Variants in NUDT10 observed in about 807,000 individuals in gnomAD.
NUDT10 encodes nudix hydrolase 10, also known as diphosphoinositol polyphosphate phosphohydrolase 3-alpha.
A neutral mutation model predicts 10.5 loss-of-function variants in NUDT10; 2 were observed. The ratio of observed to expected loss-of-function variants is 0.19; its 90% CI spans 0.08 to 0.60. NUDT10 has a LOEUF of 0.60. NUDT10 is among the 20% of genes least tolerant of loss of function. NUDT10 has a pLI of 0.89. For missense variants in NUDT10, 75 were observed against 149.5 expected, an observed-to-expected ratio of 0.50 and a Z score of 2.60; for synonymous variants, 53 against 71.8, an observed-to-expected ratio of 0.74 and a Z score of 1.32.
chrX:51,332,712 G>A (rs1408653131), upstream of NUDT10: 7 of 389,493 alleles, frequency 1.8e-5, no homozygotes, highest in Non-Finnish European at 3.0e-5. Context: ...GGGTTCGGCC[G>A]GCCGCCCATC....
At chrX:51,333,749 C>CGGGGGGGGGGGGGGGGGGG (rs1252405750) in intron 1 of NUDT10, among the ~76,000 whole-genome samples, 1 of 12,484 alleles carries the variant, frequency 8.0e-5, no homozygotes. Flanking sequence ...TGCTTTTGGG[C>CGGGGGGGGGGGGGGGGGGG]GGGGGGGGGG....
chrX:51,333,567 G>A, intron 1 of NUDT10, 108 bp downstream of exon 1: 1 of 1,051,793 alleles, frequency 9.5e-7, no homozygotes, highest in South Asian at 2.3e-5. Context: ...GCAGGAGGGA[G>A]GCTTTTGTTT....
intron 1 of NUDT10, 58 bp downstream of exon 1, chrX:51,333,517 C>T: frequency 1.7e-6 from 2 of 1,179,804 alleles, no homozygotes; most frequent in South Asian, 3.9e-5. Context: ...TAAAATGCAT[C>T]CCGCCTGGAG....
chrX:51,335,563 G>A (rs892045872), intron 1 of NUDT10, among the ~76,000 whole-genome samples: 4 of 111,832 alleles, frequency 3.6e-5, no homozygotes, highest in Admixed American at 9.5e-5. Flanking sequence ...TTTAAGTCCT[G>A]TAGAAAATTG....
rs1322112975 is a variant in NUDT10 at position 51,332,897 on chromosome X, C to T, written c.-69C>T. On this transcript the variant is annotated 5_prime_UTR_variant, in exon 1 of 2. Transcript: ENST00000356450. The stretch of plus-strand genomic sequence containing the variant: ...TCTCTTCCCAGCACCTCGGCTGCTG[C>T]CCGGCAGCGGCAGCAGCTGCGTCGG... 2.4e-5 allele frequency: 28 copies of T among 1,162,001 alleles called. No homozygotes were observed. Among genetic ancestry groups the T allele is most frequent in the Admixed American group, 2.3e-4 (9 of 39,349 alleles).
At chrX:51,334,455 C>T (rs782534211) in intron 1 of NUDT10, among the ~76,000 whole-genome samples, 127 of 112,228 alleles carry the variant, frequency 1.1e-3, no homozygotes, top group Non-Finnish European at 2.0e-3. Flanking sequence ...TCCGCTTAAC[C>T]TCCCTGACTC....
At chrX:51,333,768 GGGCGAGGGGTGGGC>G in intron 1 of NUDT10, among the ~76,000 whole-genome samples, 1 of 71,955 alleles carries the variant, frequency 1.4e-5, no homozygotes, top group African/African-American at 4.9e-5. Flanking sequence ...GGGGGGTGGG[GGGCGAGGGGTGGGC>G]GGGGAGTGTG....
chrX:51,335,793 GT>G (rs1208095061), intron 1 of NUDT10, among the ~76,000 whole-genome samples: 7 of 112,121 alleles, frequency 6.2e-5, no homozygotes, highest in Non-Finnish European at 1.3e-4. Flanking sequence ...GCTGGCCAGA[GT>G]TTTATTTTTC....
intron 1 of NUDT10, among the ~76,000 whole-genome samples, chrX:51,333,858 G>A (rs1365499169): frequency 3.7e-5 from 4 of 108,157 alleles, no homozygotes; most frequent in Non-Finnish European, 5.7e-5. Context: ...TCGTGGGTGC[G>A]TGCACATTTT....
chrX:51,335,029 G>A (rs1461993866), intron 1 of NUDT10, among the ~76,000 whole-genome samples: 1 of 110,667 alleles, frequency 9.0e-6, no homozygotes, highest in African/African-American at 3.3e-5. Context: ...GTATGGGTGG[G>A]GGCTGGGGGA....
chrX:51,335,426 G>A (rs947834501), intron 1 of NUDT10, among the ~76,000 whole-genome samples: 1 of 111,379 alleles, frequency 9.0e-6, no homozygotes, highest in Non-Finnish European at 1.9e-5. Flanking sequence ...GTAAAGGTAA[G>A]TTTGGTTGCT....
intron 1 of NUDT10, among the ~76,000 whole-genome samples, chrX:51,335,128 G>A (rs1445529327): frequency 9.1e-6 from 1 of 109,592 alleles, no homozygotes; most frequent in Non-Finnish European, 1.9e-5. Context: ...GATCAGCCTG[G>A]CCAGCATGGT....
At position 51,336,471 on chromosome X, in the gene NUDT10, C is replaced by G; in HGVS notation, c.*232C>G. ...TGGCACCTGTGGCCTTTTTTGTGCT[C>G]TTATGTGTCTGTATTTCCCGGCAGA... is the stretch of plus-strand genomic sequence containing the variant. On this transcript the variant is annotated 3_prime_UTR_variant, in exon 2 of 2. Coordinates refer to ENST00000356450, the MANE Select transcript of NUDT10 (RefSeq NM_001304963.2). 3.3e-6 allele frequency: 1 copy of G among 302,139 alleles called. No individual in the cohort carries two copies. Among genetic ancestry groups the G allele is most frequent in the Non-Finnish European group, 5.9e-6 (1 of 170,651 alleles). 24.9% of individuals were successfully genotyped at this position (302,139 alleles called of 1,213,427 possible).
At chrX:51,335,566 GAAAATTGATA>G (rs1267368285) in intron 1 of NUDT10, among the ~76,000 whole-genome samples, 10 of 111,821 alleles carry the variant, frequency 8.9e-5, no homozygotes, top group African/African-American at 3.3e-4. Flanking sequence ...AAGTCCTGTA[GAAAATTGATA>G]AAAATTGAAG....
rs2039035681 is a variant in NUDT10, at chrX:51,332,893, G to A, written c.-73G>A. On this transcript the variant is annotated 5_prime_UTR_variant, in exon 1 of 2. Transcript: ENST00000356450. ...CCTTTCTCTTCCCAGCACCTCGGCT[G>A]CTGCCCGGCAGCGGCAGCAGCTGCG... 1.1e-5 allele frequency: 13 copies of A among 1,158,423 alleles called. No homozygotes were observed. The South Asian group carries it at 2.0e-4, about 18-fold the overall frequency.
rs1922870174 is a variant in NUDT10, at chrX:51,337,321, A to G, written c.*1082A>G. On this transcript the variant is annotated 3_prime_UTR_variant, in exon 2 of 2. Transcript: ENST00000356450. ...GAAGGGTCCTCATCTACATTCTCAA[A>G]CATCTGTGGCTGATATGATATGATT... 8.9e-6 allele frequency: 1 copy of G among 111,915 alleles called. No individual in the cohort carries two copies. Among genetic ancestry groups the G allele is most frequent in the South Asian group, 3.7e-4 (1 of 2,696 alleles). 9.2% of individuals were successfully genotyped at this position (111,915 alleles called of 1,213,427 possible).
In NUDT10 at chrX:51,333,561, G is replaced by A. The variant is rs1297050105; in HGVS notation, c.494+102G>A. 4.7e-6 allele frequency: 5 copies of A among 1,069,551 alleles called. No individual in the cohort carries two copies. In the African/African-American group the frequency reaches 9.5e-5, roughly 20 times the overall value. The allele number at this position is 1,069,551 out of a possible 1,213,427, so 88.1% of individuals were successfully genotyped here. A position where few individuals can be genotyped will look rare whatever the true frequency, so the allele number is the denominator to read the frequency against. On this transcript the variant is annotated intron_variant, in intron 1 of 1. Coordinates refer to ENST00000356450, the MANE Select transcript of NUDT10 (RefSeq NM_001304963.2). The stretch of plus-strand genomic sequence containing the variant: ...GTACCATGTGCGGTCTCATGGGCAG[G>A]AGGGAGGCTTTTGTTTCCTTGGCAG...
Position 51,333,221 on chromosome X carries a change from A to G in NUDT10, c.256A>G (p.Asn86Asp), listed in dbSNP as rs201448423. ...LGRLLGVFEQ[N>D]QDPKHRTYVY... ...CCGGCTCCTGGGCGTCTTCGAACAG[A>G]ACCAGGACCCCAAGCACAGAACGTA... Residue 86 changes from asparagine (N) to aspartate (D), a missense_variant, in exon 1 of 2, where the codon AAC becomes GAC. Asn to Asp is a conservative substitution (Grantham distance 23). Coordinates refer to ENST00000356450, the MANE Select transcript of NUDT10 (RefSeq NM_001304963.2). The G allele has an allele frequency of 8.3e-7, 1 of 1,211,186 alleles. No individual in the cohort carries two copies. Among genetic ancestry groups the G allele is most frequent in the Non-Finnish European group, 1.1e-6 (1 of 895,313 alleles).
At chrX:51,334,525 G>A (rs1557312580) in intron 1 of NUDT10, among the ~76,000 whole-genome samples, 1 of 112,448 alleles carries the variant, frequency 8.9e-6, no homozygotes, top group Non-Finnish European at 1.9e-5. Context: ...GTTAGCTCTA[G>A]CGATGTTCAG....
Sources: allele counts gnomAD v4.1 joint callset (sites outside exome capture counted in the v4.1 genomes callset), GRCh38; gene constraint gnomAD v4.1.1; transcripts MANE v1.5; gene names NCBI Gene and HGNC (gene_info 2026-07-23, HGNC 2026-07-21).